The following EYS variants were observed in gnomAD, a reference collection of about 807,000 sequenced individuals.
EYS encodes the protein protein eyes shut homolog.
A neutral mutation model predicts 282.1 loss-of-function variants in EYS; 250 were observed. The ratio of observed to expected loss-of-function variants is 0.89; its 90% CI spans 0.80 to 0.98. EYS has a LOEUF of 0.98. EYS is among the 50% of genes least tolerant of loss of function. The pLI, the probability that EYS is intolerant of heterozygous loss-of-function variation, is 0.00. For missense variants in EYS, 4,016 were observed against 3,709.0 expected, an observed-to-expected ratio of 1.08 and a Z score of -2.15; for synonymous variants, 1,355 against 1,282.9, an observed-to-expected ratio of 1.06 and a Z score of -1.20.
chr6:64,399,632 T>G (rs2150435199), intron 28 of EYS, among the ~76,000 whole-genome samples: 1 of 152,044 alleles, frequency 6.6e-6, no homozygotes, highest in African/African-American at 2.4e-5. Context: ...CTCTGCAAAC[T>G]TTGTACCTGT....
chr6:64,686,742 AAT>A (rs758136941), intron 22 of EYS, among the ~76,000 whole-genome samples: 4,438 of 32,888 alleles, frequency 0.13, 414 homozygotes, highest in South Asian at 0.18. Flanking sequence ...ATTCCATCTA[AAT>A]ATATATATAT....
chr6:64,342,852 T>A (rs1381563770), intron 29 of EYS, among the ~76,000 whole-genome samples: 1 of 152,008 alleles, frequency 6.6e-6, no homozygotes, highest in Non-Finnish European at 1.5e-5. Flanking sequence ...AATAAAGGGA[T>A]GGAGGAAGAT....
At chr6:64,913,960 G>T (rs553497522) in intron 15 of EYS, among the ~76,000 whole-genome samples, 1 of 152,224 alleles carries the variant, frequency 6.6e-6, no homozygotes, top group Non-Finnish European at 1.5e-5. Flanking sequence ...TTCTAGCTCA[G>T]TCTAGTCCTC....
chr6:63,762,730 A>G (rs1769677697), intron 40 of EYS, 97 bp from the exon 41 acceptor site: 13 of 1,127,402 alleles, frequency 1.2e-5, no homozygotes, highest in Non-Finnish European at 1.6e-5. Context: ...TTTTAACTGA[A>G]GTTCCAAGAG....
At chr6:64,676,309 AATATATCTATATAT>A (rs1346863942) in intron 22 of EYS, among the ~76,000 whole-genome samples, 2 of 131,928 alleles carry the variant, frequency 1.5e-5, no homozygotes, top group Non-Finnish European at 3.4e-5. Context: ...ATCTATATCC[AATATATCTATATAT>A]ATATATCTAT....
intron 2 of EYS, among the ~76,000 whole-genome samples, chr6:65,606,528 T>A (rs1765801255): frequency 6.6e-6 from 1 of 151,854 alleles, no homozygotes; most frequent in Admixed American, 6.6e-5. Context: ...CTCCTTTGAA[T>A]GTCGCACCAT....
chr6:64,460,380 A>G (rs560312358), intron 26 of EYS, among the ~76,000 whole-genome samples: 1 of 152,324 alleles, frequency 6.6e-6, no homozygotes, highest in Non-Finnish European at 1.5e-5. Flanking sequence ...ACAAAATACA[A>G]ATGTTACTCT....
intron 26 of EYS, among the ~76,000 whole-genome samples, chr6:64,513,919 A>C (rs1482044956): frequency 6.6e-6 from 1 of 151,920 alleles, no homozygotes; most frequent in Non-Finnish European, 1.5e-5. Flanking sequence ...TAGAACAGAA[A>C]GCAGTATGAC....
intron 14 of EYS, among the ~76,000 whole-genome samples, chr6:64,957,227 C>G (rs917656289): frequency 1.3e-5 from 2 of 152,036 alleles, no homozygotes. Flanking sequence ...TGCACAATGG[C>G]GTACTATTGA....
intron 12 of EYS, among the ~76,000 whole-genome samples, chr6:65,199,754 G>A (rs1011442773): frequency 6.6e-6 from 1 of 152,028 alleles, no homozygotes; most frequent in Non-Finnish European, 1.5e-5. Context: ...AAGCTGAATA[G>A]CAGAAACAAG....
chr6:65,266,277 T>C (rs979310334), intron 12 of EYS, among the ~76,000 whole-genome samples: 1 of 151,890 alleles, frequency 6.6e-6, no homozygotes, highest in Admixed American at 6.6e-5. Flanking sequence ...TAGGGGACCA[T>C]ACAGACTTTA....
chr6:65,571,700 A>G lies in EYS; in HGVS notation c.-333+68078T>C, dbSNP rs186474073. On this transcript the variant is annotated intron_variant, in intron 2 of 42. Transcript: ENST00000503581. Reference sequence around the variant, plus strand: ...CTAAACAACAATAGTTCGATAATGAAATTTTTCAAATGCTTTTGATAAAAA... The same window carrying G: ...CTAAACAACAATAGTTCGATAATGAGATTTTTCAAATGCTTTTGATAAAAA... Among the ~76,000 whole-genome samples, 408 of 152,134 alleles carry G rather than the reference A, an allele frequency of 2.7e-3. 2 individuals are homozygous for G. The highest frequency in any genetic ancestry group is 3.8e-3 in the Non-Finnish European group (258 of 67,896).
intron 26 of EYS, among the ~76,000 whole-genome samples, chr6:64,551,123 TAC>T (rs147632322): frequency 0.095 from 14,099 of 149,112 alleles, 844 homozygotes; most frequent in East Asian, 0.16. Context: ...CACGCATATA[TAC>T]ACACACATAT....
chr6:64,606,870 C>T (rs1766953738), intron 24 of EYS, among the ~76,000 whole-genome samples: 1 of 152,036 alleles, frequency 6.6e-6, no homozygotes. Flanking sequence ...CACCATCTAA[C>T]ATCCAAAATA....
intron 31 of EYS, among the ~76,000 whole-genome samples, chr6:64,124,138 T>C (rs1007819223): frequency 2.0e-5 from 3 of 152,224 alleles, no homozygotes; most frequent in Admixed American, 6.5e-5. Context: ...GCAAGGATTC[T>C]TGTAGTGTCT....
chr6:65,413,570 G>A (rs577789828), intron 5 of EYS, among the ~76,000 whole-genome samples: 1 of 152,036 alleles, frequency 6.6e-6, no homozygotes, highest in South Asian at 2.1e-4. Context: ...TTGTTTAAGA[G>A]CAAAGTGGGC....
chr6:65,591,136 A>G (rs1765217045), intron 2 of EYS, among the ~76,000 whole-genome samples: 1 of 151,882 alleles, frequency 6.6e-6, no homozygotes, highest in South Asian at 2.1e-4. Flanking sequence ...TGGCCTCTCC[A>G]ACATTTGTTA....
intron 14 of EYS, among the ~76,000 whole-genome samples, chr6:64,993,779 T>C (rs1392917356): frequency 6.7e-6 from 1 of 150,094 alleles, no homozygotes; most frequent in African/African-American, 2.4e-5. Flanking sequence ...TTCAACCATA[T>C]GGTGGATGAA....
intron 12 of EYS, among the ~76,000 whole-genome samples, chr6:65,178,798 C>T (rs1362136447): frequency 1.3e-5 from 2 of 152,006 alleles, no homozygotes; most frequent in African/African-American, 4.8e-5. Flanking sequence ...CAAAATTGAC[C>T]GTATAGTTGG....
Sources: allele counts gnomAD v4.1 joint callset (sites outside exome capture counted in the v4.1 genomes callset), GRCh38; gene constraint gnomAD v4.1.1; transcripts MANE v1.5; gene names NCBI Gene and HGNC (gene_info 2026-07-23, HGNC 2026-07-21).